The following SPATA16 variants were observed in gnomAD, a reference collection of about 807,000 sequenced individuals.
SPATA16 encodes the protein spermatogenesis associated 16.
A neutral mutation model predicts 63.3 loss-of-function variants in SPATA16; 36 were observed. The ratio of observed to expected loss-of-function variants is 0.57; its 90% CI spans 0.44 to 0.75. SPATA16 has a LOEUF of 0.75. Ranked by LOEUF, SPATA16 falls within the 30% of genes least tolerant of loss-of-function variation. SPATA16 has a pLI of 0.00. For synonymous variants in SPATA16, 203 were observed against 216.7 expected (o/e 0.94, Z 0.56); for missense variants, 646 against 679.3 (o/e 0.95, Z 0.54).
intron 1 of SPATA16, among the ~76,000 whole-genome samples, chr3:173,127,414 C>G (rs1054723338): frequency 2.0e-5 from 3 of 152,134 alleles, no homozygotes; most frequent in Admixed American, 2.0e-4. Flanking sequence ...CCCTATTTTG[C>G]CTATTTTGTC....
intron 6 of SPATA16, among the ~76,000 whole-genome samples, chr3:172,938,605 G>T (rs1270970569): frequency 5.3e-5 from 8 of 152,122 alleles, no homozygotes; most frequent in Non-Finnish European, 1.5e-5. Context: ...GCCTCCTTAA[G>T]TGTGAAAATG....
intron 4 of SPATA16, among the ~76,000 whole-genome samples, chr3:172,978,138 C>CTT (rs746447409): frequency 1.0e-4 from 15 of 148,366 alleles, no homozygotes; most frequent in Admixed American, 8.7e-4. Flanking sequence ...TCTCTCTCTC[C>CTT]CTCTCTCTCT....
chr3:173,030,370 T>C (rs558897418), intron 3 of SPATA16, among the ~76,000 whole-genome samples: 1 of 152,102 alleles, frequency 6.6e-6, no homozygotes, highest in Admixed American at 6.6e-5. Flanking sequence ...AGAAACTTCT[T>C]TGAGTTAACA....
At chr3:172,942,415 T>A (rs1166118107) in intron 6 of SPATA16, among the ~76,000 whole-genome samples, 1 of 152,156 alleles carries the variant, frequency 6.6e-6, no homozygotes, top group Admixed American at 6.5e-5. Flanking sequence ...AACTAGTGAA[T>A]TTATTAATAT....
intron 1 of SPATA16, among the ~76,000 whole-genome samples, chr3:173,137,822 AAC>A (rs1185263699): frequency 0.064 from 7,835 of 122,032 alleles, 231 homozygotes; most frequent in African/African-American, 0.11. Context: ...ATGGACTCTC[AAC>A]ACACACACAC....
intron 6 of SPATA16, among the ~76,000 whole-genome samples, chr3:172,938,441 A>G (rs1460950229): frequency 6.6e-6 from 1 of 152,168 alleles, no homozygotes; most frequent in Non-Finnish European, 1.5e-5. Context: ...ATGGACATTG[A>G]CGAGGATGAA....
chr3:173,106,335 T>C (rs1162664647), intron 2 of SPATA16, among the ~76,000 whole-genome samples: 1 of 152,158 alleles, frequency 6.6e-6, no homozygotes, highest in Non-Finnish European at 1.5e-5. Flanking sequence ...TTATATTCTC[T>C]CATACCTTTA....
At chr3:173,117,896 G>A in intron 1 of SPATA16, 147 bp from the exon 2 acceptor site, 2 of 1,339,640 alleles carry the variant, frequency 1.5e-6, no homozygotes, top group Non-Finnish European at 2.0e-6. Context: ...ATAATCTACT[G>A]ACTATTTTAA....
chr3:173,066,196 T>C lies in SPATA16; in HGVS notation c.613-17102A>G, dbSNP rs1736515802. Among the ~76,000 whole-genome samples the C allele has an allele frequency of 2.0e-5, 3 of 152,302 alleles. No homozygotes were observed. The South Asian group carries it at 6.2e-4, about 32-fold the overall frequency. The stretch of plus-strand genomic sequence containing the variant: ...TCAGGCATTTGGTGCTGGATAGCAT[T>C]TCTAGATGCACCCTGGGCCAGAAGG... On this transcript the variant is annotated intron_variant, in intron 2 of 10. Transcript: ENST00000351008.
intron 8 of SPATA16, among the ~76,000 whole-genome samples, 179 bp downstream of exon 8, chr3:172,924,029 T>A (rs970357538): frequency 1.4e-5 from 2 of 146,394 alleles, no homozygotes; most frequent in Non-Finnish European, 3.1e-5. Flanking sequence ...TTATAGTATG[T>A]TTTAGAATAA....
intron 2 of SPATA16, among the ~76,000 whole-genome samples, chr3:173,104,744 G>C (rs1417162886): frequency 1.3e-5 from 2 of 152,072 alleles, no homozygotes; most frequent in Non-Finnish European, 2.9e-5. Flanking sequence ...CTTTCCATCT[G>C]TCTCCAGACC....
At chr3:173,133,446 G>A (rs538008654) in intron 1 of SPATA16, among the ~76,000 whole-genome samples, 1 of 152,244 alleles carries the variant, frequency 6.6e-6, no homozygotes, top group South Asian at 2.1e-4. Flanking sequence ...CATCACCACA[G>A]CCATGTTGTT....
At chr3:172,938,766 T>A (rs1203138055) in intron 6 of SPATA16, among the ~76,000 whole-genome samples, 4 of 152,116 alleles carry the variant, frequency 2.6e-5, no homozygotes, top group African/African-American at 9.7e-5. Context: ...TTGGTTCTCC[T>A]ATAAAACCTA....
intron 4 of SPATA16, among the ~76,000 whole-genome samples, chr3:172,992,906 AG>A (rs1439359223): frequency 6.6e-6 from 1 of 152,192 alleles, no homozygotes; most frequent in Non-Finnish European, 1.5e-5. Flanking sequence ...AATTTATTTG[AG>A]GAAAGCAAAG....
intron 5 of SPATA16, 149 bp from the exon 6 acceptor site, chr3:172,956,973 A>C: frequency 2.2e-6 from 2 of 923,754 alleles, no homozygotes; most frequent in Non-Finnish European, 3.2e-6. Flanking sequence ...ATTCATTAGA[A>C]CAAAATTTTA....
chr3:172,891,462 T>A (rs1192185139), intron 10 of SPATA16, among the ~76,000 whole-genome samples: 1 of 152,346 alleles, frequency 6.6e-6, no homozygotes, highest in East Asian at 1.9e-4. Context: ...GTATCTGGCC[T>A]GTATGTTCAC....
intron 6 of SPATA16, among the ~76,000 whole-genome samples, chr3:172,932,409 C>A (rs1732892517): frequency 6.6e-6 from 1 of 152,134 alleles, no homozygotes; most frequent in East Asian, 1.9e-4. Flanking sequence ...AGCAAAATCT[C>A]ATTTTTAAGG....
intron 4 of SPATA16, among the ~76,000 whole-genome samples, chr3:173,015,608 C>T (rs1307860090): frequency 6.6e-6 from 1 of 152,104 alleles, no homozygotes; most frequent in Non-Finnish European, 1.5e-5. Flanking sequence ...TATGTAATAT[C>T]TTATTGATAT....
At chr3:173,109,124 C>G (rs966726790) in intron 2 of SPATA16, among the ~76,000 whole-genome samples, 3 of 152,188 alleles carry the variant, frequency 2.0e-5, no homozygotes, top group African/African-American at 7.2e-5. Context: ...AACCCCTCTT[C>G]CATACTCTAC....
Sources: allele counts gnomAD v4.1 joint callset (sites outside exome capture counted in the v4.1 genomes callset), GRCh38; gene constraint gnomAD v4.1.1; transcripts MANE v1.5; gene names NCBI Gene and HGNC (gene_info 2026-07-23, HGNC 2026-07-21).